Variants in AUTS2 observed in about 807,000 individuals in gnomAD.
AUTS2 encodes the protein autism susceptibility gene 2 protein.
Under a neutral mutation model 112.4 loss-of-function variants are expected in AUTS2, and 17 were observed. The observed-to-expected ratio is 0.15, with a 90% CI of 0.10 to 0.23. AUTS2 has a LOEUF of 0.23. Among genes scored for constraint, AUTS2 ranks in the 10% least tolerant of loss-of-function variants. The probability of loss-of-function intolerance (pLI) is 1.00; values close to 1 mark genes in which losing one functional copy is unlikely to be tolerated. For missense variants in AUTS2, 1,510 were observed against 1,701.6 expected (o/e 0.89, Z 1.98); for synonymous variants, 751 against 702.7 (o/e 1.07, Z -1.09).
At chr7:70,373,161 G>T (rs1246265554) in intron 4 of AUTS2, among the ~76,000 whole-genome samples, 6 of 151,642 alleles carry the variant, frequency 4.0e-5, no homozygotes, top group Non-Finnish European at 1.5e-5. Context: ...AGGGGGGAGT[G>T]GGGGAAGAAG....
Position 70,049,324 on chromosome 7 carries a change from T to A in AUTS2, c.523-68808T>A, listed in dbSNP as rs529736932. On this transcript the variant is annotated intron_variant, in intron 2 of 18. Transcript: ENST00000342771. ...TACTTTTTCCAACTCTATTAGCAAATCATCTCTTGGACATTTTTTTTTTTG... is the reference window on the plus strand; with the variant it reads ...TACTTTTTCCAACTCTATTAGCAAAACATCTCTTGGACATTTTTTTTTTTG... Among the ~76,000 whole-genome samples, 3 of 152,158 alleles carry A rather than the reference T, an allele frequency of 2.0e-5. No individual in the cohort carries two copies. In the East Asian group the frequency reaches 5.8e-4, roughly 29 times the overall value.
intron 1 of AUTS2, among the ~76,000 whole-genome samples, chr7:69,645,868 C>T (rs1000963490): frequency 1.3e-5 from 2 of 151,990 alleles, no homozygotes; most frequent in African/African-American, 4.8e-5. Flanking sequence ...AGATAAATAC[C>T]AACGAGCGTT....
intron 1 of AUTS2, among the ~76,000 whole-genome samples, chr7:69,817,888 G>T (rs1790831274): frequency 6.6e-6 from 1 of 152,126 alleles, no homozygotes; most frequent in South Asian, 2.1e-4. Flanking sequence ...TGTGTTTATG[G>T]TAATGTTTTT....
chr7:70,508,789 A>T, intron 5 of AUTS2, among the ~76,000 whole-genome samples: 1 of 152,238 alleles, frequency 6.6e-6, no homozygotes, highest in East Asian at 1.9e-4. Context: ...ACTAACTAGC[A>T]TGCTTATCAG....
chr7:69,982,040 G>C (rs775042244), intron 2 of AUTS2, among the ~76,000 whole-genome samples: 3 of 152,150 alleles, frequency 2.0e-5, no homozygotes, highest in African/African-American at 7.2e-5. Flanking sequence ...ACAAGGACTC[G>C]TAGGCACCAA....
intron 2 of AUTS2, among the ~76,000 whole-genome samples, chr7:70,076,435 T>G (rs1346660153): frequency 6.6e-6 from 1 of 152,204 alleles, no homozygotes; most frequent in Admixed American, 6.5e-5. Flanking sequence ...TATCCAAGGA[T>G]GTAAATCATT....
intron 4 of AUTS2, among the ~76,000 whole-genome samples, chr7:70,351,268 G>A (rs1360375243): frequency 2.0e-5 from 3 of 152,034 alleles, no homozygotes; most frequent in Non-Finnish European, 4.4e-5. Context: ...AGGCCAGGCT[G>A]GTCTCGAACT....
intron 1 of AUTS2, among the ~76,000 whole-genome samples, chr7:69,861,341 A>T (rs972437898): frequency 3.3e-5 from 5 of 152,116 alleles, no homozygotes; most frequent in African/African-American, 7.2e-5. Flanking sequence ...AATAGGGAGG[A>T]TGCCATTCTC....
chr7:69,822,931 C>T (rs953025318), intron 1 of AUTS2, among the ~76,000 whole-genome samples: 3 of 152,146 alleles, frequency 2.0e-5, no homozygotes, highest in African/African-American at 4.8e-5. Flanking sequence ...CACTTACTGC[C>T]GAGGTCCCCA....
At chr7:69,950,539 A>G (rs1394385517) in intron 2 of AUTS2, among the ~76,000 whole-genome samples, 3 of 152,136 alleles carry the variant, frequency 2.0e-5, no homozygotes, top group Non-Finnish European at 4.4e-5. Flanking sequence ...AAAAAGTTCT[A>G]TTATAATTAT....
chr7:70,503,798 C>A (rs1302229880), intron 5 of AUTS2, among the ~76,000 whole-genome samples: 1 of 148,720 alleles, frequency 6.7e-6, no homozygotes, highest in Non-Finnish European at 1.5e-5. Context: ...AGATTACAGG[C>A]GTGAGCCTAC....
intron 1 of AUTS2, among the ~76,000 whole-genome samples, chr7:69,872,138 G>A (rs910049248): frequency 1.3e-5 from 2 of 152,204 alleles, no homozygotes; most frequent in Non-Finnish European, 2.9e-5. Flanking sequence ...TCTGAGTGCA[G>A]GGCCCTGAGC....
intron 4 of AUTS2, among the ~76,000 whole-genome samples, chr7:70,346,802 C>G (rs1380693940): frequency 6.6e-6 from 1 of 152,162 alleles, no homozygotes; most frequent in East Asian, 1.9e-4. Flanking sequence ...TCCATGGTCC[C>G]CAAATGAAGC....
At chr7:70,044,252 G>T (rs940485262) in intron 2 of AUTS2, among the ~76,000 whole-genome samples, 10 of 152,144 alleles carry the variant, frequency 6.6e-5, no homozygotes, top group Non-Finnish European at 8.8e-5. Flanking sequence ...CATGAGACAG[G>T]CTGCTTCCAT....
At chr7:70,346,982 C>T (rs185782975) in intron 4 of AUTS2, among the ~76,000 whole-genome samples, 12 of 152,290 alleles carry the variant, frequency 7.9e-5, no homozygotes, top group Admixed American at 5.9e-4. Flanking sequence ...GCCAAGAGTC[C>T]GTGCCATCTC....
intron 5 of AUTS2, among the ~76,000 whole-genome samples, chr7:70,611,855 C>T (rs1169592260): frequency 2.0e-5 from 3 of 152,144 alleles, no homozygotes; most frequent in South Asian, 2.1e-4. Context: ...CTAATTAGTC[C>T]GTCACGTGGG....
chr7:70,691,421 A>G (rs749185670), intron 5 of AUTS2, among the ~76,000 whole-genome samples: 18 of 8,532 alleles, frequency 2.1e-3, no homozygotes, highest in Non-Finnish European at 2.4e-3. Flanking sequence ...TTTCTCAAGG[A>G]AAAAAAAAAA....
chr7:69,697,701 C>T (rs1797615119), intron 1 of AUTS2, among the ~76,000 whole-genome samples: 1 of 152,212 alleles, frequency 6.6e-6, no homozygotes, highest in African/African-American at 2.4e-5. Context: ...ATTGTGAGCT[C>T]TCCACCCCAG....
intron 6 of AUTS2, among the ~76,000 whole-genome samples, chr7:70,736,905 C>G (rs1453020665): frequency 1.3e-5 from 2 of 152,134 alleles, no homozygotes; most frequent in Non-Finnish European, 2.9e-5. Flanking sequence ...TGAGTGACTT[C>G]CCCACCCCTT....
Sources: gnomAD v4.1 joint callset for allele counts (sites outside exome capture counted in the v4.1 genomes callset) on GRCh38, gnomAD v4.1.1 for gene constraint, MANE v1.5 for transcripts, NCBI Gene and HGNC (gene_info 2026-07-23, HGNC 2026-07-21) for gene names.